Variants in RAB18 observed in about 807,000 individuals in gnomAD.
RAB18 encodes ras-related protein Rab-18.
A neutral mutation model predicts 28.5 loss-of-function variants in RAB18; 10 were observed. That is an observed-to-expected ratio of 0.35 (90% CI 0.22 to 0.60). The LOEUF (loss-of-function observed/expected upper bound fraction) is 0.60. Ranked by LOEUF, RAB18 falls within the 20% of genes least tolerant of loss-of-function variation. The pLI is 0.78. For synonymous variants in RAB18, 93 were observed against 86.9 expected (o/e 1.07, Z -0.39); for missense variants, 188 against 244.2 (o/e 0.77, Z 1.53).
At chr10:27,536,986 G>T (rs1416939772) in intron 6 of RAB18, among the ~76,000 whole-genome samples, 1 of 152,208 alleles carries the variant, frequency 6.6e-6, no homozygotes, top group Non-Finnish European at 1.5e-5. Flanking sequence ...GAGCAAGTTT[G>T]TTTTTTAATA....
rs887223169 is a variant in RAB18 at position 27,504,318 on chromosome 10, C to T, written c.-52C>T. 1.3e-6 allele frequency: 2 copies of T among 1,535,598 alleles called. No homozygotes were observed. The highest frequency in any genetic ancestry group is 2.7e-5 in the African/African-American group (2 of 73,304). On this transcript the variant is annotated 5_prime_UTR_variant, in exon 1 of 7. Transcript: ENST00000356940. ...CGCAGCAGCTCACTCTGCTGAAGGG[C>T]TGAGAGGCGCACCCGGGCGGCCAGC...
chr10:27,535,688 T>A (rs1444659535), intron 6 of RAB18, among the ~76,000 whole-genome samples: 1 of 152,154 alleles, frequency 6.6e-6, no homozygotes, highest in Non-Finnish European at 1.5e-5. Context: ...AGAAGCGGTT[T>A]GACTGTGTAG....
chr10:27,504,409 A>T lies in RAB18; in HGVS notation c.40A>T (p.Ile14Phe). Residue 14 changes from isoleucine to phenylalanine, a missense_variant, in exon 1 of 7, where the codon ATC (isoleucine) becomes TTC (phenylalanine). Physicochemically the swap from Ile to Phe is conservative, Grantham distance 21 (BLOSUM62 0). Transcript: ENST00000356940. ...DVLTTLKILI[I>F]GESGVGKSSL... ...GCTAACCACCCTGAAGATCCTCATC[A>T]TCGGCGAGAGTGGGGTGGGCAAGTC... The T allele has an allele frequency of 6.4e-7, 1 of 1,572,702 alleles. No homozygotes were observed.
At chr10:27,536,060 C>G (rs541186964) in intron 6 of RAB18, among the ~76,000 whole-genome samples, 1 of 141,562 alleles carries the variant, frequency 7.1e-6, no homozygotes, top group Non-Finnish European at 1.5e-5. Flanking sequence ...CCAGCCTGGG[C>G]GACAGAGCGA....
At chr10:27,512,834 A>G (rs1330692672) in intron 2 of RAB18, among the ~76,000 whole-genome samples, 3 of 152,010 alleles carry the variant, frequency 2.0e-5, no homozygotes, top group Non-Finnish European at 1.5e-5. Context: ...TGGCATGACA[A>G]ATCGTGGGTT....
intron 1 of RAB18, among the ~76,000 whole-genome samples, chr10:27,507,476 A>G (rs1033835663): frequency 6.6e-6 from 1 of 151,920 alleles, no homozygotes; most frequent in Non-Finnish European, 1.5e-5. Flanking sequence ...AGCAGAATAT[A>G]TCAAGAACTG....
chr10:27,538,853 CCAA>C lies in RAB18; in HGVS notation c.*805_*807del. The C allele has an allele frequency of 4.4e-6, 2 of 454,002 alleles. No homozygotes were observed. Among genetic ancestry groups the C allele is most frequent in the South Asian group, 1.6e-5 (1 of 64,470 alleles). 28.1% of individuals were successfully genotyped at this position (454,002 alleles called of 1,614,324 possible). On this transcript the variant is annotated 3_prime_UTR_variant, in exon 7 of 7. Transcript: ENST00000356940. ...TGTAACTCCTCATACACTTTTAAAA[CCAA>C]CATCTTTTTTCATAAATGTTGGTAG...
intron 1 of RAB18, among the ~76,000 whole-genome samples, 176 bp from the exon 2 acceptor site, chr10:27,509,699 T>A (rs764780969): frequency 6.6e-6 from 1 of 152,180 alleles, no homozygotes; most frequent in Non-Finnish European, 1.5e-5. Context: ...TAAATTGCCT[T>A]TCTGGTAATT....
chr10:27,533,847 C>A lies in RAB18; in HGVS notation c.372C>A (p.Ile124=), dbSNP rs1327816368. 6.2e-7 allele frequency: 1 copy of A among 1,612,604 alleles called. No individual in the cohort carries two copies. Among genetic ancestry groups the A allele is most frequent in the Non-Finnish European group, 8.5e-7 (1 of 1,178,800 alleles). The stretch of plus-strand genomic sequence containing the variant: ...TAAACATGCTAGTTGGAAATAAAAT[C>A]GATAAGGTAAGAAGGCAGACACTTG... The part of the protein sequence containing the change: ...DIVNMLVGNK[I]DKENREVDRN... The change falls in exon 5 of 7, where the codon ATC becomes ATA. Residue 124 remains isoleucine, a synonymous_variant. Transcript: ENST00000356940.
At chr10:27,515,541 G>A (rs935462970) in intron 2 of RAB18, among the ~76,000 whole-genome samples, 4 of 152,054 alleles carry the variant, frequency 2.6e-5, no homozygotes, top group African/African-American at 7.2e-5. Flanking sequence ...GTTGTTATGG[G>A]TTGATGTTAT....
intron 2 of RAB18, among the ~76,000 whole-genome samples, chr10:27,520,624 A>G (rs941084139): frequency 3.3e-5 from 5 of 152,100 alleles, no homozygotes; most frequent in Non-Finnish European, 1.5e-5. Flanking sequence ...ATTTACAGCT[A>G]TAAATTTCTG....
At chr10:27,537,346 G>A (rs771680757) in intron 6 of RAB18, among the ~76,000 whole-genome samples, 40 of 152,290 alleles carry the variant, frequency 2.6e-4, no homozygotes, top group East Asian at 5.8e-4. Flanking sequence ...CTAAGGAAAC[G>A]CAGGGTTGGA....
Position 27,540,900 on chromosome 10 carries a change from A to G in RAB18, c.*2849A>G, listed in dbSNP as rs1243556928. The G allele has an allele frequency of 4.4e-6, 2 of 454,128 alleles. No homozygotes were observed. The highest frequency in any genetic ancestry group is 6.9e-5 in the East Asian group (1 of 14,394). 28.1% of individuals were successfully genotyped at this position (454,128 alleles called of 1,614,324 possible). On this transcript the variant is annotated 3_prime_UTR_variant, in exon 7 of 7. Transcript: ENST00000356940. ...AAGGGTGGGGCTAGCACCATAGCTC[A>G]TAAAAGAATCCTTCTTACACCAGTA...
At chr10:27,523,875 T>G (rs1458036165) in intron 2 of RAB18, among the ~76,000 whole-genome samples, 2 of 151,912 alleles carry the variant, frequency 1.3e-5, no homozygotes, top group African/African-American at 4.8e-5. Flanking sequence ...GTCAGGAGAT[T>G]GAGACCATAC....
Position 27,526,870 on chromosome 10 carries a change from A to G in RAB18, c.167A>G (p.Lys56Arg), listed in dbSNP as rs1439670762. 1 of 1,613,146 alleles carries G rather than the reference A, an allele frequency of 6.2e-7. No individual in the cohort carries two copies. Among genetic ancestry groups the G allele is most frequent in the Non-Finnish European group, 8.5e-7 (1 of 1,179,464 alleles). Reference sequence around the variant, plus strand: ...AAAACAATTTCAGTGGATGGAAATAAGGCTAAACTTGCAATATGGGTAAGA... The same window carrying G: ...AAAACAATTTCAGTGGATGGAAATAGGGCTAAACTTGCAATATGGGTAAGA... ...KVKTISVDGN[K>R]AKLAIWDTAG... is the part of the protein sequence containing the mutation. The change falls in exon 3 of 7, where the codon AAG (lysine) becomes AGG (arginine). Residue 56 changes from lysine (K) to arginine (R), a missense_variant. Coordinates refer to ENST00000356940, the MANE Select transcript of RAB18 (RefSeq NM_021252.5).
chr10:27,538,430 A>G lies in RAB18; in HGVS notation c.*379A>G, dbSNP rs1458657233. On this transcript the variant is annotated 3_prime_UTR_variant, in exon 7 of 7. Coordinates refer to ENST00000356940, the MANE Select transcript of RAB18 (RefSeq NM_021252.5). Reference sequence around the variant, plus strand: ...TTTTCTGAATTACTTGGTATTTAGAACTCCTAGCACCACGGGGAAGAATAG... The same window carrying G: ...TTTTCTGAATTACTTGGTATTTAGAGCTCCTAGCACCACGGGGAAGAATAG... 2.2e-6 allele frequency: 1 copy of G among 456,422 alleles called. No individual in the cohort carries two copies. The highest frequency in any genetic ancestry group is 2.0e-5 in the African/African-American group (1 of 50,156). 28.3% of individuals were successfully genotyped at this position (456,422 alleles called of 1,614,324 possible). A position where few individuals can be genotyped will look rare whatever the true frequency, so the allele number is the denominator to read the frequency against.
intron 3 of RAB18, among the ~76,000 whole-genome samples, chr10:27,529,780 A>T (rs1477379651): frequency 6.6e-6 from 1 of 152,016 alleles, no homozygotes; most frequent in Non-Finnish European, 1.5e-5. Context: ...CTATTTAAGC[A>T]TATACACTTT....
intron 1 of RAB18, among the ~76,000 whole-genome samples, chr10:27,508,360 A>G (rs561889628): frequency 1.3e-5 from 2 of 152,384 alleles, no homozygotes; most frequent in East Asian, 3.9e-4. Flanking sequence ...GCACATTGCC[A>G]TATGTTCAAT....
At position 27,540,872 on chromosome 10, in the gene RAB18, A is replaced by T. The variant is rs192599115; in HGVS notation, c.*2821A>T. 6.6e-6 allele frequency: 3 copies of T among 453,954 alleles called. No homozygotes were observed. The highest frequency in any genetic ancestry group is 1.3e-5 in the Non-Finnish European group (3 of 226,792). 28.1% of individuals were successfully genotyped at this position (453,954 alleles called of 1,614,324 possible). A position where few individuals can be genotyped will look rare whatever the true frequency, so the allele number is the denominator to read the frequency against. On this transcript the variant is annotated 3_prime_UTR_variant, in exon 7 of 7. Transcript: ENST00000356940. ...GCATGGTCAAGAGACATGATTCTCT[A>T]CTAAGGGTGGGGCTAGCACCATAGC...
Sources: allele counts gnomAD v4.1 joint callset (sites outside exome capture counted in the v4.1 genomes callset), GRCh38; gene constraint gnomAD v4.1.1; transcripts MANE v1.5; gene names NCBI Gene and HGNC (gene_info 2026-07-23, HGNC 2026-07-21).